Variants in WWOX observed in about 807,000 individuals in gnomAD.
WWOX encodes the protein WW domain containing oxidoreductase.
Under a neutral mutation model 46.2 loss-of-function variants are expected in WWOX, and 69 were observed. The ratio of observed to expected loss-of-function variants is 1.49; its 90% confidence interval spans 1.23 to 1.82. The LOEUF is 1.82. Ranked by LOEUF, WWOX falls within the 40% of genes most tolerant of loss-of-function variation. WWOX has a pLI of 0.00. For missense variants in WWOX, 919 were observed against 542.6 expected (o/e 1.69, Z -6.89); for synonymous variants, 359 against 202.6 (o/e 1.77, Z -6.56).
intron 8 of WWOX, among the ~76,000 whole-genome samples, chr16:79,007,493 G>C (rs2047213705): frequency 6.6e-6 from 1 of 152,224 alleles, no homozygotes; most frequent in Non-Finnish European, 1.5e-5. Context: ...AAGGATCCGG[G>C]AGAAAGATGA....
intron 5 of WWOX, among the ~76,000 whole-genome samples, chr16:78,297,118 C>T (rs1020148023): frequency 3.3e-5 from 5 of 152,106 alleles, no homozygotes; most frequent in African/African-American, 1.2e-4. Flanking sequence ...GCTCTCTGGC[C>T]TCTGGGTTCG....
rs192563197 is a variant in WWOX at position 78,873,452 on chromosome 16, C to T, written c.1057-338156C>T. ...TGTGGTAAGAATGTAAGTTGTTCAG[C>T]CATTTACAGCTTAGTCTTTGGGAGA... On this transcript the variant is annotated intron_variant, in intron 8 of 8. Coordinates refer to ENST00000566780, the MANE Select transcript of WWOX (RefSeq NM_016373.4). 96 of 152,126 alleles carry T rather than the reference C, an allele frequency of 6.3e-4. 1 individual carries two copies. Among genetic ancestry groups the T allele is most frequent in the African/African-American group, 2.2e-3 (91 of 41,508 alleles). 9.4% of individuals were successfully genotyped at this position (152,126 alleles called of 1,614,324 possible).
intron 8 of WWOX, among the ~76,000 whole-genome samples, chr16:78,965,352 T>C (rs1031774430): frequency 6.6e-6 from 1 of 152,194 alleles, no homozygotes; most frequent in African/African-American, 2.4e-5. Flanking sequence ...GTGGAGCACC[T>C]GAGGTTAGGA....
intron 8 of WWOX, among the ~76,000 whole-genome samples, chr16:78,802,558 G>A (rs1453995105): frequency 6.6e-6 from 1 of 152,034 alleles, no homozygotes; most frequent in African/African-American, 2.4e-5. Context: ...TTAGTCACTA[G>A]TTTTGTCCTT....
chr16:78,578,254 TTATATATATA>T lies in WWOX; in HGVS notation c.1056+145524_1056+145533del, dbSNP rs1194130355. Among the ~76,000 whole-genome samples the T allele has an allele frequency of 5.4e-4, 17 of 31,644 alleles. 1 individual carries two copies. Among genetic ancestry groups the T allele is most frequent in the East Asian group, 1.1e-3 (1 of 894 alleles). The allele number at this position is 31,644 out of a possible 152,430, so 20.8% of individuals were successfully genotyped here. On this transcript the variant is annotated intron_variant, in intron 8 of 8. Coordinates refer to ENST00000566780, the MANE Select transcript of WWOX (RefSeq NM_016373.4). ...TACAAATATATGTGCATACCAAATT[TTATATATATA>T]TATATATATATATATATATATTTTT...
intron 4 of WWOX, among the ~76,000 whole-genome samples, chr16:78,141,294 G>C (rs1455010764): frequency 1.3e-5 from 2 of 152,172 alleles, no homozygotes; most frequent in African/African-American, 4.8e-5. Flanking sequence ...AAATGGACAG[G>C]TTCTGGGCCT....
chr16:78,989,048 G>C (rs773680779), intron 8 of WWOX, among the ~76,000 whole-genome samples: 4 of 152,168 alleles, frequency 2.6e-5, no homozygotes, highest in African/African-American at 9.7e-5. Flanking sequence ...CGATGATTCA[G>C]AGTAAGCCAT....
intron 8 of WWOX, among the ~76,000 whole-genome samples, chr16:78,739,640 G>C (rs376469632): frequency 5.9e-5 from 9 of 151,988 alleles, no homozygotes; most frequent in Admixed American, 4.6e-4. Context: ...GATAAACCTC[G>C]TCTCTACTGA....
At chr16:78,220,850 T>C (rs1655531368) in intron 5 of WWOX, among the ~76,000 whole-genome samples, 1 of 152,208 alleles carries the variant, frequency 6.6e-6, no homozygotes, top group Admixed American at 6.5e-5. Context: ...ATTTCTTCTG[T>C]TACCTGGTAT....
chr16:78,881,835 C>G (rs986159962), intron 8 of WWOX, among the ~76,000 whole-genome samples: 1 of 152,278 alleles, frequency 6.6e-6, no homozygotes, highest in East Asian at 1.9e-4. Context: ...ATTAGAAGAA[C>G]TGACAGTCCA....
chr16:78,329,270 C>G (rs1332937131), intron 5 of WWOX, among the ~76,000 whole-genome samples: 7 of 152,188 alleles, frequency 4.6e-5, no homozygotes, highest in Admixed American at 4.6e-4. Context: ...GTAGTTTCCT[C>G]CTCTGGCTAC....
At position 78,144,462 on chromosome 16, in the gene WWOX, T is replaced by TATAC. The variant is rs1555543063; in HGVS notation, c.410-19720_410-19719insTACA. Among the ~76,000 whole-genome samples the TATAC allele has an allele frequency of 1.4e-3, 34 of 23,614 alleles. 4 individuals carry two copies. Among genetic ancestry groups the TATAC allele is most frequent in the African/African-American group, 4.9e-3 (31 of 6,346 alleles). 15.5% of individuals were successfully genotyped at this position (23,614 alleles called of 152,430 possible). A position where few individuals can be genotyped will look rare whatever the true frequency, so the allele number is the denominator to read the frequency against. ...ATATATATATACACATATATATATA[T>TATAC]ACACACATATATATATATATATATA... On this transcript the variant is annotated intron_variant, in intron 4 of 8. Transcript: ENST00000566780.
chr16:79,135,541 C>T (rs1045496171), intron 8 of WWOX, among the ~76,000 whole-genome samples: 9 of 152,238 alleles, frequency 5.9e-5, no homozygotes, highest in Non-Finnish European at 1.0e-4. Flanking sequence ...TGCATTTCAG[C>T]TTATACCTTG....
chr16:78,895,884 A>C (rs1457553936), intron 8 of WWOX: 1 of 152,224 alleles, frequency 6.6e-6, no homozygotes, highest in Non-Finnish European at 1.5e-5. Context: ...ATGAAACCTC[A>C]GTCATTCTTT....
chr16:78,779,876 T>C (rs145082151), intron 8 of WWOX, among the ~76,000 whole-genome samples: 126 of 152,280 alleles, frequency 8.3e-4, no homozygotes, highest in African/African-American at 2.4e-3. Flanking sequence ...TGTAACACTT[T>C]CTGCCACCTC....
At chr16:78,688,651 G>A (rs1431619307) in intron 8 of WWOX, among the ~76,000 whole-genome samples, 2 of 152,170 alleles carry the variant, frequency 1.3e-5, no homozygotes, top group African/African-American at 4.8e-5. Flanking sequence ...AATTGATAAT[G>A]TCTGAGGCAT....
At chr16:78,829,465 T>C (rs1183317848) in intron 8 of WWOX, among the ~76,000 whole-genome samples, 1 of 152,230 alleles carries the variant, frequency 6.6e-6, no homozygotes, top group Non-Finnish European at 1.5e-5. Flanking sequence ...GTTAGTCTCA[T>C]GTAGAATCAC....
chr16:78,538,191 A>C (rs185187481), intron 8 of WWOX, among the ~76,000 whole-genome samples: 1 of 134,414 alleles, frequency 7.4e-6, no homozygotes, highest in African/African-American at 2.7e-5. Context: ...GATAGATTGT[A>C]ATCTTTAATT....
At chr16:78,540,096 A>T (rs2043855770) in intron 8 of WWOX, among the ~76,000 whole-genome samples, 2 of 149,908 alleles carry the variant, frequency 1.3e-5, no homozygotes, top group Admixed American at 1.3e-4. Context: ...TTCTTTTTCC[A>T]CCCTCACACT....
Sources: gnomAD v4.1 joint callset for allele counts (sites outside exome capture counted in the v4.1 genomes callset) on GRCh38, gnomAD v4.1.1 for gene constraint, MANE v1.5 for transcripts, NCBI Gene and HGNC (gene_info 2026-07-23, HGNC 2026-07-21) for gene names.